DPP6: variants seen among roughly 807,000 people sequenced by gnomAD.
DPP6 encodes the protein dipeptidyl peptidase like 6.
In DPP6, 69 loss-of-function variants were observed where a neutral mutation model predicts 122.6. The observed-to-expected ratio is 0.56, with a 90% confidence interval of 0.46 to 0.69. The LOEUF (loss-of-function observed/expected upper bound fraction) is 0.69. Among genes scored for constraint, DPP6 ranks in the 30% least tolerant of loss-of-function variants. The pLI, the probability that DPP6 is intolerant of heterozygous loss-of-function variation, is 0.00. For missense variants in DPP6, 928 were observed against 1,116.9 expected (o/e 0.83, Z 2.41); for synonymous variants, 418 against 433.1 (o/e 0.97, Z 0.43).
chr7:153,969,613 T>G (rs1342411717), intron 1 of DPP6, among the ~76,000 whole-genome samples: 1 of 148,496 alleles, frequency 6.7e-6, no homozygotes, highest in Non-Finnish European at 1.5e-5. Context: ...TTTCCTTCAT[T>G]GCACAGTAAG....
intron 5 of DPP6, among the ~76,000 whole-genome samples, chr7:154,617,440 A>G: frequency 6.6e-6 from 1 of 152,230 alleles, no homozygotes; most frequent in East Asian, 1.9e-4. Context: ...ATTTGAGGTA[A>G]GCAATCCGAT....
chr7:154,711,872 T>C (rs1841201180), intron 7 of DPP6, among the ~76,000 whole-genome samples: 1 of 152,062 alleles, frequency 6.6e-6, no homozygotes, highest in South Asian at 2.1e-4. Flanking sequence ...AACATGCAGA[T>C]TGTGCTTTTA....
At chr7:154,442,322 G>A (rs1389567186) in intron 1 of DPP6, among the ~76,000 whole-genome samples, 3 of 152,138 alleles carry the variant, frequency 2.0e-5, no homozygotes, top group Non-Finnish European at 4.4e-5. Context: ...ATATTAAAGA[G>A]ATAAATTAAT....
At chr7:154,208,075 CT>C (rs1799546212) in intron 1 of DPP6, among the ~76,000 whole-genome samples, 1 of 152,126 alleles carries the variant, frequency 6.6e-6, no homozygotes, top group African/African-American at 2.4e-5. Context: ...GCATTGGTTA[CT>C]GGTTCCTTGT....
chr7:154,013,997 A>C lies in DPP6; in HGVS notation c.51+126263A>C, dbSNP rs3864494. On this transcript the variant is annotated intron_variant, in intron 1 of 25. Transcript: ENST00000404039. The stretch of plus-strand genomic sequence containing the variant: ...GGTGCCCTCAACTCCCAGGCTCTCT[A>C]ATCATGCTCTTCCCAGCCCAGGATT... 1.8e-3 allele frequency among the ~76,000 whole-genome samples: 281 copies of C among 152,080 alleles called. 2 individuals are homozygous for C. Among genetic ancestry groups the C allele is most frequent in the African/African-American group, 6.3e-3 (261 of 41,412 alleles).
intron 5 of DPP6, among the ~76,000 whole-genome samples, chr7:154,583,984 T>C (rs1376129205): frequency 6.6e-6 from 1 of 152,188 alleles, no homozygotes; most frequent in Admixed American, 6.5e-5. Context: ...GCCATCCCCC[T>C]GCCTTTGGGA....
At chr7:154,869,835 GCCCCCACCCCCA>G (rs58787412) in intron 18 of DPP6, among the ~76,000 whole-genome samples, 1 of 107,900 alleles carries the variant, frequency 9.3e-6, no homozygotes, top group East Asian at 2.6e-4. Context: ...ATCCGCTCCC[GCCCCCACCCCCA>G]CCCCCACCCC....
intron 1 of DPP6, among the ~76,000 whole-genome samples, chr7:154,250,970 G>A (rs1410633311): frequency 6.6e-6 from 1 of 152,210 alleles, no homozygotes; most frequent in Admixed American, 6.5e-5. Context: ...TCCCAAAGAC[G>A]AGCCCCACCC....
At chr7:154,214,481 G>A (rs1258232714) in intron 1 of DPP6, among the ~76,000 whole-genome samples, 1 of 152,216 alleles carries the variant, frequency 6.6e-6, no homozygotes, top group Non-Finnish European at 1.5e-5. Flanking sequence ...CTGTGATGTG[G>A]AGAGGAAAGA....
chr7:153,922,520 T>C (rs551345093), intron 1 of DPP6, among the ~76,000 whole-genome samples: 2 of 152,226 alleles, frequency 1.3e-5, no homozygotes, highest in Non-Finnish European at 2.9e-5. Context: ...TGAAGCAAAA[T>C]GATAATCTCA....
At chr7:154,343,510 G>A (rs759266) in intron 1 of DPP6, among the ~76,000 whole-genome samples, 17,381 of 152,284 alleles carry the variant, frequency 0.11, 1,460 homozygotes, top group African/African-American at 0.23. Context: ...GTTGTCTCAC[G>A]TATCAGTGGA....
At chr7:154,145,673 A>T (rs1394127179) in intron 1 of DPP6, among the ~76,000 whole-genome samples, 1 of 124,644 alleles carries the variant, frequency 8.0e-6, no homozygotes, top group Non-Finnish European at 1.7e-5. Flanking sequence ...GGGGCATCGC[A>T]GACAGCGGTT....
chr7:154,779,330 A>C (rs1170012163), intron 10 of DPP6, among the ~76,000 whole-genome samples: 8 of 137,098 alleles, frequency 5.8e-5, no homozygotes, highest in Admixed American at 2.9e-4. Flanking sequence ...CTCCACCACC[A>C]CCACCATCAT....
At position 154,038,130 on chromosome 7, in the gene DPP6, A is replaced by G. The variant is rs896271111; in HGVS notation, c.51+150396A>G. Among the ~76,000 whole-genome samples, 30 of 149,238 alleles carry G rather than the reference A, an allele frequency of 2.0e-4. 2 individuals are homozygous for G. Among genetic ancestry groups the G allele is most frequent in the African/African-American group, 6.9e-4 (27 of 38,870 alleles). ...TAATAGAAACACAGACTTGCCTACC[A>G]TGATTTTGTTACTTTTGTTGTCATA... On this transcript the variant is annotated intron_variant, in intron 1 of 25. Coordinates refer to the DPP6 transcript ENST00000404039.
At chr7:154,360,200 A>G (rs1243048856) in intron 1 of DPP6, among the ~76,000 whole-genome samples, 1 of 152,210 alleles carries the variant, frequency 6.6e-6, no homozygotes, top group African/African-American at 2.4e-5. Flanking sequence ...TTCTTAAAAT[A>G]TCATCTTGGT....
rs182679671 is a variant in DPP6 at position 154,667,209 on chromosome 7, G to A, written c.681-2151G>A. On this transcript the variant is annotated intron_variant, in intron 6 of 25. Coordinates refer to ENST00000377770, the MANE Select transcript of DPP6 (RefSeq NM_130797.4). Reference sequence around the variant, plus strand: ...ATAACCACATTTTTCAAAGTATTTTGTATGTTAGGGATATTAGCCATGTGT... The same window carrying A: ...ATAACCACATTTTTCAAAGTATTTTATATGTTAGGGATATTAGCCATGTGT... Among the ~76,000 whole-genome samples the A allele has an allele frequency of 2.7e-5, 4 of 149,342 alleles. No homozygotes were observed. In the East Asian group the frequency reaches 7.9e-4, roughly 29 times the overall value.
At chr7:154,247,856 T>C (rs1390273281) in intron 1 of DPP6, among the ~76,000 whole-genome samples, 1 of 152,204 alleles carries the variant, frequency 6.6e-6, no homozygotes, top group African/African-American at 2.4e-5. Context: ...AAGCCAGGTA[T>C]CTTTCAACCA....
chr7:153,807,427 AC>A, the DPP6 span, among the ~76,000 whole-genome samples: 89 of 149,694 alleles, frequency 5.9e-4, 2 homozygotes, highest in African/African-American at 1.9e-3. Context: ...AAACAAACAA[AC>A]AAAAAAAAAA....
chr7:154,194,903 T>C (rs1798789049), intron 1 of DPP6, among the ~76,000 whole-genome samples: 3 of 152,238 alleles, frequency 2.0e-5, no homozygotes, highest in African/African-American at 7.2e-5. Flanking sequence ...TTGACAAATA[T>C]ATCGTTGGCA....
Sources: allele counts gnomAD v4.1 joint callset (sites outside exome capture counted in the v4.1 genomes callset), GRCh38; gene constraint gnomAD v4.1.1; transcripts MANE v1.5; gene names NCBI Gene and HGNC (gene_info 2026-07-23, HGNC 2026-07-21).